NDST4: variants seen among roughly 807,000 people sequenced by gnomAD.
NDST4 encodes N-deacetylase and N-sulfotransferase 4, also known as N-heparan sulfate sulfotransferase 4.
Under a neutral mutation model 100.8 loss-of-function variants are expected in NDST4, and 63 were observed. That is an observed-to-expected ratio of 0.62 (90% CI 0.51 to 0.77). The LOEUF (loss-of-function observed/expected upper bound fraction) is 0.77. NDST4 is among the 30% of genes least tolerant of loss of function. The probability of loss-of-function intolerance (pLI) is 0.00; values close to 1 mark genes in which losing one functional copy is unlikely to be tolerated. For missense variants in NDST4, 943 were observed against 1,018.4 expected, an observed-to-expected ratio of 0.93 and a Z score of 1.01; for synonymous variants, 377 against 361.8, an observed-to-expected ratio of 1.04 and a Z score of -0.48.
intron 4 of NDST4, among the ~76,000 whole-genome samples, chr4:114,966,174 A>C (rs1726377895): frequency 6.6e-6 from 1 of 152,060 alleles, no homozygotes; most frequent in Non-Finnish European, 1.5e-5. Context: ...ATATATGTGC[A>C]TGGAGTAAGC....
chr4:114,908,763 G>A (rs7675371), intron 6 of NDST4, among the ~76,000 whole-genome samples: 43,666 of 152,044 alleles, frequency 0.29, 8,152 homozygotes, highest in African/African-American at 0.53. Flanking sequence ...GACTTTCAAA[G>A]CTTTTTTCTT....
chr4:114,949,246 T>C (rs1725936373), intron 4 of NDST4, among the ~76,000 whole-genome samples: 1 of 151,940 alleles, frequency 6.6e-6, no homozygotes, highest in South Asian at 2.1e-4. Context: ...AGGATATTAT[T>C]CTATATAAAT....
At chr4:115,082,052 G>C in intron 1 of NDST4, among the ~76,000 whole-genome samples, 1 of 152,100 alleles carries the variant, frequency 6.6e-6, no homozygotes, top group East Asian at 1.9e-4. Flanking sequence ...CAAAATGTGG[G>C]CTTCATGACC....
intron 6 of NDST4, among the ~76,000 whole-genome samples, chr4:114,905,372 A>G (rs933781725): frequency 1.3e-5 from 2 of 151,922 alleles, no homozygotes; most frequent in African/African-American, 2.4e-5. Flanking sequence ...AACAATTTAT[A>G]AGCTACACAC....
chr4:114,927,647 T>C (rs148550284), intron 6 of NDST4, among the ~76,000 whole-genome samples: 70 of 152,228 alleles, frequency 4.6e-4, no homozygotes, highest in African/African-American at 1.5e-3. Flanking sequence ...CATGCTAGCA[T>C]GTCCTTATTC....
chr4:115,053,066 G>A (rs1463371497), intron 2 of NDST4, among the ~76,000 whole-genome samples: 7 of 152,098 alleles, frequency 4.6e-5, no homozygotes, highest in African/African-American at 7.2e-5. Context: ...TTAGGGTGGC[G>A]AGCATGTGCT....
chr4:114,998,196 G>A (rs1354575562), intron 2 of NDST4, among the ~76,000 whole-genome samples: 2 of 152,004 alleles, frequency 1.3e-5, no homozygotes, highest in East Asian at 1.9e-4. Flanking sequence ...CACAAAACTT[G>A]GTGTTTGCTT....
chr4:114,998,868 G>A (rs1466829462), intron 2 of NDST4, among the ~76,000 whole-genome samples: 2 of 151,986 alleles, frequency 1.3e-5, no homozygotes, highest in Non-Finnish European at 2.9e-5. Flanking sequence ...TTTCAGAGGA[G>A]TTACCTCATC....
At chr4:114,884,381 C>A (rs1230389365) in intron 6 of NDST4, among the ~76,000 whole-genome samples, 2 of 152,112 alleles carry the variant, frequency 1.3e-5, no homozygotes, top group Non-Finnish European at 2.9e-5. Context: ...CATCTATAAT[C>A]TTCTTACAAC....
rs370302163 is a variant in NDST4 at position 115,040,980 on chromosome 4, C to T, written c.978+35079G>A. Among the ~76,000 whole-genome samples the T allele has an allele frequency of 1.6e-4, 24 of 152,072 alleles. No homozygotes were observed. In the South Asian group the frequency reaches 4.6e-3, roughly 29 times the overall value. ...GAAAATTAATAGGTAAAAAGAACTACGTTTCTTTCACCTTTCCTTTATGAA... is the reference window on the plus strand; with the variant it reads ...GAAAATTAATAGGTAAAAAGAACTATGTTTCTTTCACCTTTCCTTTATGAA... On this transcript the variant is annotated intron_variant, in intron 2 of 13. Coordinates refer to ENST00000264363, the MANE Select transcript of NDST4 (RefSeq NM_022569.3).
At chr4:114,856,874 C>A (rs957779818) in intron 7 of NDST4, among the ~76,000 whole-genome samples, 8 of 152,208 alleles carry the variant, frequency 5.3e-5, no homozygotes, top group African/African-American at 1.9e-4. Context: ...ATCTTGAGCA[C>A]ACTGGGACAT....
At chr4:114,931,314 G>A (rs1365329047) in intron 6 of NDST4, among the ~76,000 whole-genome samples, 2 of 151,818 alleles carry the variant, frequency 1.3e-5, no homozygotes, top group African/African-American at 2.4e-5. Context: ...ATTCTTTGTA[G>A]TAGTGCTAGA....
intron 4 of NDST4, among the ~76,000 whole-genome samples, chr4:114,942,465 T>TA (rs571830661): frequency 6.6e-6 from 1 of 152,270 alleles, no homozygotes; most frequent in East Asian, 1.9e-4. Flanking sequence ...CGAACATCTA[T>TA]AGAGGCTGAA....
chr4:114,897,990 C>T (rs1472697012), intron 6 of NDST4, among the ~76,000 whole-genome samples: 1 of 152,120 alleles, frequency 6.6e-6, no homozygotes, highest in East Asian at 1.9e-4. Context: ...CAAATATTTA[C>T]TCCCAGTCTG....
At chr4:115,011,593 A>C (rs979459989) in intron 2 of NDST4, among the ~76,000 whole-genome samples, 2 of 151,968 alleles carry the variant, frequency 1.3e-5, no homozygotes, top group Non-Finnish European at 2.9e-5. Flanking sequence ...AGAATTTATT[A>C]GAGAAATAGC....
chr4:114,874,022 C>A (rs1690097178), intron 6 of NDST4, among the ~76,000 whole-genome samples: 1 of 151,858 alleles, frequency 6.6e-6, no homozygotes, highest in Non-Finnish European at 1.5e-5. Context: ...TGTTGTATAA[C>A]CAGCATCACT....
chr4:115,055,818 G>A lies in NDST4; in HGVS notation c.978+20241C>T, dbSNP rs1030632640. Among the ~76,000 whole-genome samples, 162 of 152,112 alleles carry A rather than the reference G, an allele frequency of 1.1e-3. 2 individuals are homozygous for A. The highest frequency in any genetic ancestry group is 1.9e-4 in the East Asian group (1 of 5,178). ...TATACAAATGAGCCAGAAAGAGTAA[G>A]TATAAGCAAGCTGAACTGTAATGAA... is the stretch of plus-strand genomic sequence containing the variant. On this transcript the variant is annotated intron_variant, in intron 2 of 13. Coordinates refer to ENST00000264363, the MANE Select transcript of NDST4 (RefSeq NM_022569.3).
At chr4:114,943,850 T>C (rs915611490) in intron 4 of NDST4, among the ~76,000 whole-genome samples, 4 of 152,164 alleles carry the variant, frequency 2.6e-5, no homozygotes, top group Admixed American at 2.6e-4. Context: ...GGGGAATAGA[T>C]GAGTTAAGAA....
intron 10 of NDST4, among the ~76,000 whole-genome samples, chr4:114,845,279 C>A (rs543211551): frequency 3.9e-5 from 6 of 152,250 alleles, no homozygotes; most frequent in African/African-American, 1.4e-4. Flanking sequence ...CTGCAGTGAG[C>A]TATGATCACG....
Sources: allele counts gnomAD v4.1 joint callset (sites outside exome capture counted in the v4.1 genomes callset), GRCh38; gene constraint gnomAD v4.1.1; transcripts MANE v1.5; gene names NCBI Gene and HGNC (gene_info 2026-07-23, HGNC 2026-07-21).